The following RGP1 variants were observed in gnomAD, a reference collection of about 807,000 sequenced individuals.
RGP1 encodes RAB6A-GEF complex partner protein 2.
A neutral mutation model predicts 44.5 loss-of-function variants in RGP1; 28 were observed. The ratio of observed to expected loss-of-function variants is 0.63; its 90% CI spans 0.47 to 0.86. The LOEUF (loss-of-function observed/expected upper bound fraction) is 0.86, where lower values mean the gene tolerates loss of function less well. Among genes scored for constraint, RGP1 ranks in the 40% least tolerant of loss-of-function variants. RGP1 has a pLI of 0.00. For missense variants in RGP1, 417 were observed against 490.7 expected (o/e 0.85, Z 1.42); for synonymous variants, 212 against 196.7 (o/e 1.08, Z -0.65).
chr9:35,777,466 G>A, the RGP1 span, among the ~76,000 whole-genome samples: 1 of 137,992 alleles, frequency 7.2e-6, no homozygotes, highest in East Asian at 2.1e-4. Context: ...TTTTGTACTT[G>A]TTTCTTTCAT....
chr9:35,758,040 G>C lies in RGP1; in HGVS notation c.*5166G>C, dbSNP rs1827383773. 6.6e-6 allele frequency: 1 copy of C among 152,164 alleles called. No individual in the cohort carries two copies. Among genetic ancestry groups the C allele is most frequent in the African/African-American group, 2.4e-5 (1 of 41,422 alleles). 9.4% of individuals were successfully genotyped at this position (152,164 alleles called of 1,614,324 possible). A position where few individuals can be genotyped will look rare whatever the true frequency, so the allele number is the denominator to read the frequency against. ...TTCTTGTTTGGCTTTTGTGCCATTT[G>C]CCCCTCACTGACTTGATTGAATTCT... On this transcript the variant is annotated 3_prime_UTR_variant, in exon 9 of 9. Coordinates refer to ENST00000378078, the MANE Select transcript of RGP1 (RefSeq NM_001080496.3).
the RGP1 span, chr9:35,790,130 CT>C: frequency 0.35 from 49,714 of 143,660 alleles, 7,751 homozygotes; most frequent in Middle Eastern, 0.48. Flanking sequence ...TTGACTGTTC[CT>C]TTTTTTTTTT....
the RGP1 span, among the ~76,000 whole-genome samples, chr9:35,765,835 CTT>C: frequency 3.0e-4 from 41 of 138,606 alleles, no homozygotes; most frequent in Non-Finnish European, 3.0e-4. Context: ...TTCTTTCTTT[CTT>C]TTTTTTTTTT....
chr9:35,767,721 C>T, the RGP1 span, among the ~76,000 whole-genome samples: 5 of 152,138 alleles, frequency 3.3e-5, no homozygotes, highest in Non-Finnish European at 7.4e-5. Context: ...TCATTAAATT[C>T]ATCATGGCAT....
chr9:35,751,704 G>T lies in RGP1; in HGVS notation c.712G>T (p.Asp238Tyr), dbSNP rs1001690765. The T allele has an allele frequency of 2.5e-6, 4 of 1,613,906 alleles. No homozygotes were observed. In the African/African-American group the frequency reaches 4.0e-5, roughly 16 times the overall value. ...IFKSVYRLGE[D>Y]VVGTLNLGEG... is the part of the protein sequence containing the mutation. ...CAAATCTGTGTACAGACTTGGCGAGGACGTGGTGGGGACCTTAAACTTAGG... is the reference window on the plus strand; with the variant it reads ...CAAATCTGTGTACAGACTTGGCGAGTACGTGGTGGGGACCTTAAACTTAGG... The change falls in exon 7 of 9, where the codon GAC becomes TAC. Residue 238 changes from aspartate to tyrosine, a missense_variant. By Grantham distance (160) the Asp-to-Tyr change is radical (BLOSUM62 -3). Transcript: ENST00000378078.
At chr9:35,789,515 G>A in the RGP1 span, among the ~76,000 whole-genome samples, 6 of 152,094 alleles carry the variant, frequency 3.9e-5, no homozygotes, top group Non-Finnish European at 5.9e-5. Context: ...AAGAGCCACC[G>A]TGCCTGGCCC....
chr9:35,758,843 C>T (rs1451128313), downstream of RGP1, among the ~76,000 whole-genome samples: 4 of 152,032 alleles, frequency 2.6e-5, no homozygotes, highest in African/African-American at 4.8e-5. Context: ...CTTTCTGGCT[C>T]TTTTCCACCT....
chr9:35,752,369 A>G (rs926559664), intron 8 of RGP1, among the ~76,000 whole-genome samples: 1 of 152,090 alleles, frequency 6.6e-6, no homozygotes. Flanking sequence ...ACACCTACCT[A>G]CTAGGACCCT....
At chr9:35,784,233 C>T in the RGP1 span, among the ~76,000 whole-genome samples, 1 of 152,128 alleles carries the variant, frequency 6.6e-6, no homozygotes, top group Non-Finnish European at 1.5e-5. Flanking sequence ...CTGTAACTTG[C>T]CTCTTCATTT....
At chr9:35,760,386 C>T (rs1827408530), downstream of RGP1, among the ~76,000 whole-genome samples, 1 of 152,174 alleles carries the variant, frequency 6.6e-6, no homozygotes, top group South Asian at 2.1e-4. Flanking sequence ...TGCTTAGCAT[C>T]TGCTCAGTAG....
rs779055374 is a variant in RGP1, at chr9:35,751,658, A to G, written c.666A>G (p.Lys222=). The G allele has an allele frequency of 1.3e-5, 21 of 1,613,852 alleles. 1 individual carries two copies. The highest frequency in any genetic ancestry group is 3.3e-4 in the Middle Eastern group (2 of 6,084). The change falls in exon 7 of 9, where the codon AAA becomes AAG. Residue 222 remains lysine, a synonymous_variant. Transcript: ENST00000378078. ...HLYNISDGRG[K]VGTFGIFKSV... ...ACAATATCAGTGATGGCCGAGGGAA[A>G]GTTGGGACGTTTGGCATCTTCAAAT...
the RGP1 span, among the ~76,000 whole-genome samples, chr9:35,770,129 A>C: frequency 6.6e-6 from 1 of 152,194 alleles, no homozygotes; most frequent in Non-Finnish European, 1.5e-5. Context: ...TTTGAACTGC[A>C]TAGGGTAGAG....
At chr9:35,778,352 C>T in the RGP1 span, among the ~76,000 whole-genome samples, 1 of 152,184 alleles carries the variant, frequency 6.6e-6, no homozygotes, top group Non-Finnish European at 1.5e-5. Context: ...TCTCTTTCAT[C>T]TTGCCCTTTA....
rs781724150 is a variant in RGP1, at chr9:35,750,349, G to A, written c.223G>A (p.Asp75Asn). ...PDSSQPDVQPDSQTVFLPHRG... is the reference protein window; with the variant it reads ...PDSSQPDVQPNSQTVFLPHRG... ...CTCTAGTCAGCCAGATGTCCAGCCCGACAGCCAGACTGTCTTTCTGCCACA... is the reference window on the plus strand; with the variant it reads ...CTCTAGTCAGCCAGATGTCCAGCCCAACAGCCAGACTGTCTTTCTGCCACA... The change falls in exon 3 of 9, where the codon GAC becomes AAC. Residue 75 changes from aspartate (D) to asparagine (N), a missense_variant. Asp to Asn is a conservative substitution (Grantham distance 23). Coordinates refer to ENST00000378078, the MANE Select transcript of RGP1 (RefSeq NM_001080496.3). The A allele has an allele frequency of 4.3e-6, 7 of 1,613,842 alleles. No individual in the cohort carries two copies. The highest frequency in any genetic ancestry group is 4.0e-5 in the African/African-American group (3 of 74,930).
Position 35,749,600 on chromosome 9 carries a change from AC to A in RGP1, c.-19-133del. On this transcript the variant is annotated intron_variant, in intron 1 of 8. Transcript: ENST00000378078. The surrounding 1 kb of genome is among the most constrained non-coding windows in gnomAD (Gnocchi z 4.4). Reference sequence around the variant, plus strand: ...TCAGTCGCCTCCCTCCCACCCGCCTACCCCTCCTATATCCAGGAGCTCCCTC... The same window carrying A: ...TCAGTCGCCTCCCTCCCACCCGCCTACCCTCCTATATCCAGGAGCTCCCTC... The A allele has an allele frequency of 1.4e-6, 1 of 690,580 alleles. No homozygotes were observed. The highest frequency in any genetic ancestry group is 1.5e-5 in the South Asian group (1 of 65,282). 42.8% of individuals were successfully genotyped at this position (690,580 alleles called of 1,614,324 possible).
At position 35,752,733 on chromosome 9, in the gene RGP1, C is replaced by G; in HGVS notation, c.1035C>G (p.Pro345=). 6.2e-7 allele frequency: 1 copy of G among 1,613,740 alleles called. No individual in the cohort carries two copies. Among genetic ancestry groups the G allele is most frequent in the South Asian group, 1.1e-5 (1 of 91,022 alleles). Residue 345 remains proline (P), a synonymous_variant, in exon 9 of 9, where the codon CCC becomes CCG. Coordinates refer to ENST00000378078, the MANE Select transcript of RGP1 (RefSeq NM_001080496.3). ...TACTCCTACCCCCTGTGGAACAGCC[C>G]GAACCTACCACCTGGACAGGACCTG... ...GLVLLPPVEQ[P]EPTTWTGPEQ...
In RGP1 at chr9:35,753,396, T is replaced by C; in HGVS notation, c.*522T>C. 1 of 1,174,304 alleles carries C rather than the reference T, an allele frequency of 8.5e-7. No homozygotes were observed. Among genetic ancestry groups the C allele is most frequent in the Non-Finnish European group, 1.2e-6 (1 of 842,722 alleles). The allele number at this position is 1,174,304 out of a possible 1,614,324, so 72.7% of individuals were successfully genotyped here. ...CACAGAGCCCCTTTCAGTGGCCCCT[T>C]GGTCCTCCTAACTAAGCTGTCACCT... On this transcript the variant is annotated 3_prime_UTR_variant, in exon 9 of 9. Transcript: ENST00000378078. The surrounding 1 kb of genome is among the most constrained non-coding windows in gnomAD (Gnocchi z 4.2).
the RGP1 span, among the ~76,000 whole-genome samples, chr9:35,773,293 A>C: frequency 1.3e-5 from 2 of 152,172 alleles, no homozygotes; most frequent in African/African-American, 4.8e-5. Context: ...CAGGAGGCTG[A>C]GGCAGGAGGA....
the RGP1 span, among the ~76,000 whole-genome samples, chr9:35,763,780 G>A: frequency 1.3e-5 from 2 of 150,912 alleles, no homozygotes; most frequent in African/African-American, 4.9e-5. Context: ...TGCTTGGGAG[G>A]CTGAGGCAGG....
Sources: allele counts gnomAD v4.1 joint callset (sites outside exome capture counted in the v4.1 genomes callset), GRCh38; gene constraint gnomAD v4.1.1; non-coding constraint Gnocchi (gnomAD v3.1); transcripts MANE v1.5; gene names NCBI Gene and HGNC (gene_info 2026-07-23, HGNC 2026-07-21).